CCDC169: variants seen among roughly 807,000 people sequenced by gnomAD.
CCDC169 encodes the protein coiled-coil domain-containing protein 169.
Under a neutral mutation model 36.0 loss-of-function variants are expected in CCDC169, and 30 were observed. The observed-to-expected ratio is 0.83, with a 90% CI of 0.62 to 1.13. The LOEUF is 1.13. CCDC169 is among the 50% of genes most tolerant of loss of function. CCDC169 has a pLI of 0.00. For synonymous variants in CCDC169, 85 were observed against 81.5 expected (o/e 1.04, Z -0.23); for missense variants, 245 against 245.9 (o/e 1.00, Z 0.03).
At chr13:36,239,364 T>C (rs1030213559) in intron 7 of CCDC169, among the ~76,000 whole-genome samples, 14 of 152,282 alleles carry the variant, frequency 9.2e-5, no homozygotes, top group African/African-American at 3.1e-4. Context: ...GATCACAATA[T>C]GGTGTCAGTC....
chr13:36,277,397 G>A (rs948739819), intron 4 of CCDC169, among the ~76,000 whole-genome samples: 1 of 152,104 alleles, frequency 6.6e-6, no homozygotes, highest in African/African-American at 2.4e-5. Context: ...GTTGATAGGT[G>A]CAGCAAACCA....
chr13:36,229,293 A>G (rs190204805), downstream of CCDC169, among the ~76,000 whole-genome samples: 3 of 152,168 alleles, frequency 2.0e-5, no homozygotes, highest in African/African-American at 7.2e-5. Context: ...AGTTCTTTAT[A>G]CTCTCTCAAC....
At chr13:36,243,770 C>T (rs1285604360) in intron 7 of CCDC169, among the ~76,000 whole-genome samples, 3 of 152,142 alleles carry the variant, frequency 2.0e-5, no homozygotes, top group African/African-American at 7.2e-5. Flanking sequence ...CGCGCCATGG[C>T]ACTACAGCCT....
chr13:36,244,767 T>C (rs556217155), intron 7 of CCDC169, among the ~76,000 whole-genome samples: 188 of 106,486 alleles, frequency 1.8e-3, no homozygotes, highest in African/African-American at 6.6e-3. Context: ...TAGTGCATCA[T>C]TGAATATGGC....
chr13:36,296,167 C>T (rs1280248485), intron 1 of CCDC169, among the ~76,000 whole-genome samples: 1 of 152,230 alleles, frequency 6.6e-6, no homozygotes, highest in Non-Finnish European at 1.5e-5. Context: ...ACTCGGCTCA[C>T]TGCAACCTCC....
At chr13:36,236,787 A>G (rs1871128890) in intron 7 of CCDC169, among the ~76,000 whole-genome samples, 1 of 152,076 alleles carries the variant, frequency 6.6e-6, no homozygotes, top group South Asian at 2.1e-4. Flanking sequence ...CAATTTAATA[A>G]TAGGCAAAGG....
Position 36,252,234 on chromosome 13 carries a change from G to A in CCDC169, c.468+1569C>T, listed in dbSNP as rs145302745. Among the ~76,000 whole-genome samples, 992 of 152,284 alleles carry A rather than the reference G, an allele frequency of 6.5e-3. 14 individuals carry two copies. Among genetic ancestry groups the A allele is most frequent in the African/African-American group, 0.023 (948 of 41,548 alleles). On this transcript the variant is annotated intron_variant, in intron 6 of 7. Coordinates refer to ENST00000239859, the MANE Select transcript of CCDC169 (RefSeq NM_001144981.3). ...TGCCTGTGATCTAGGAGGAACCAGT[G>A]CCTTCAGCCCAGTATCAAGGAACAT...
Position 36,269,395 on chromosome 13 carries a change from A to C in CCDC169, c.315+14074T>G, listed in dbSNP as rs182033413. Among the ~76,000 whole-genome samples, 15 of 152,330 alleles carry C rather than the reference A, an allele frequency of 9.8e-5. No individual in the cohort carries two copies. The East Asian group carries it at 2.9e-3, about 29-fold the overall frequency. On this transcript the variant is annotated intron_variant, in intron 4 of 7. Coordinates refer to ENST00000239859, the MANE Select transcript of CCDC169 (RefSeq NM_001144981.3). ...CTGAAACTATTTCAAAAGACTGAGAAAGAGGGAATCCTCCCTAAATCATTC... is the reference window on the plus strand; with the variant it reads ...CTGAAACTATTTCAAAAGACTGAGACAGAGGGAATCCTCCCTAAATCATTC...
chr13:36,296,313 C>T (rs1879478234), intron 1 of CCDC169, among the ~76,000 whole-genome samples: 1 of 152,146 alleles, frequency 6.6e-6, no homozygotes, highest in Non-Finnish European at 1.5e-5. Flanking sequence ...AGGCTGGTCT[C>T]GAACTCCTAA....
intron 4 of CCDC169, among the ~76,000 whole-genome samples, chr13:36,281,815 T>C (rs903385813): frequency 6.6e-6 from 1 of 151,990 alleles, no homozygotes; most frequent in Non-Finnish European, 1.5e-5. Context: ...TGAGCCAAGA[T>C]TGAACCACTA....
chr13:36,271,867 G>A lies in CCDC169; in HGVS notation c.315+11602C>T, dbSNP rs145541485. ...TGGGAGGCCAAAGCGGGCGGATCAC[G>A]AGTTCAGGAGTTCGAGACCAACCTG... On this transcript the variant is annotated intron_variant, in intron 4 of 7. Transcript: ENST00000239859. 2.0e-3 allele frequency among the ~76,000 whole-genome samples: 308 copies of A among 151,882 alleles called. 1 individual carries two copies. The highest frequency in any genetic ancestry group is 6.8e-3 in the African/African-American group (280 of 41,424).
chr13:36,240,532 G>T, intron 7 of CCDC169: 1 of 935,596 alleles, frequency 1.1e-6, no homozygotes, highest in Non-Finnish European at 1.4e-6. Flanking sequence ...AAAAAAATCA[G>T]AATCAGAAGG....
chr13:36,245,001 A>G (rs1438709775), intron 7 of CCDC169, among the ~76,000 whole-genome samples: 3 of 152,200 alleles, frequency 2.0e-5, no homozygotes. Flanking sequence ...GAAAGAATAT[A>G]CTTTATCTAG....
At chr13:36,297,189 GT>G (rs1460161167) in intron 1 of CCDC169, among the ~76,000 whole-genome samples, 2 of 151,600 alleles carry the variant, frequency 1.3e-5, no homozygotes, top group Non-Finnish European at 1.5e-5. Flanking sequence ...TACGAATACT[GT>G]TTTTAAAAAG....
At chr13:36,262,746 T>C (rs1430863413) in intron 4 of CCDC169, among the ~76,000 whole-genome samples, 5 of 152,186 alleles carry the variant, frequency 3.3e-5, no homozygotes, top group African/African-American at 1.2e-4. Context: ...CATCTAACTA[T>C]AGGTCCAGAG....
chr13:36,263,707 T>C (rs1389157951), intron 4 of CCDC169, among the ~76,000 whole-genome samples: 1 of 152,184 alleles, frequency 6.6e-6, no homozygotes, highest in Non-Finnish European at 1.5e-5. Flanking sequence ...GTATTATTGT[T>C]CTTCAAAAAT....
chr13:36,242,325 T>C (rs1871935897), intron 7 of CCDC169, among the ~76,000 whole-genome samples: 2 of 152,192 alleles, frequency 1.3e-5, no homozygotes, highest in South Asian at 2.1e-4. Context: ...ATTTGCATTC[T>C]GCTGATGAGT....
chr13:36,255,334 G>A (rs191829251), intron 4 of CCDC169, among the ~76,000 whole-genome samples: 20 of 152,194 alleles, frequency 1.3e-4, no homozygotes, highest in African/African-American at 2.4e-4. Flanking sequence ...CTACAGCTTC[G>A]GGAACTCTCC....
intron 6 of CCDC169, among the ~76,000 whole-genome samples, chr13:36,252,298 G>A (rs548735431): frequency 3.9e-5 from 6 of 152,292 alleles, no homozygotes; most frequent in Admixed American, 6.5e-5. Context: ...ACAAGAGAAT[G>A]CAAGAACTTA....
Sources: allele counts gnomAD v4.1 joint callset (sites outside exome capture counted in the v4.1 genomes callset), GRCh38; gene constraint gnomAD v4.1.1; transcripts MANE v1.5; gene names NCBI Gene and HGNC (gene_info 2026-07-23, HGNC 2026-07-21).